The following ABCG2 variants were observed in gnomAD, a reference collection of about 807,000 sequenced individuals.
ABCG2 encodes ATP binding cassette subfamily G member 2 (JR blood group), also known as broad substrate specificity ATP-binding cassette transporter ABCG2.
Under a neutral mutation model 73.5 loss-of-function variants are expected in ABCG2, and 80 were observed. The ratio of observed to expected loss-of-function variants is 1.09; its 90% CI spans 0.91 to 1.31. ABCG2 has a LOEUF of 1.31. Among genes scored for constraint, ABCG2 ranks in the 50% most tolerant of loss-of-function variants. The pLI, the probability that ABCG2 is intolerant of heterozygous loss-of-function variation, is 0.00. For synonymous variants in ABCG2, 269 were observed against 282.4 expected, an observed-to-expected ratio of 0.95 and a Z score of 0.48; for missense variants, 796 against 786.2, an observed-to-expected ratio of 1.01 and a Z score of -0.15.
In ABCG2 at chr4:88,229,984, T is replaced by A. The variant is rs547866048; in HGVS notation, c.-20+1010A>T. On this transcript the variant is annotated intron_variant, in intron 1 of 15. Coordinates refer to the ABCG2 transcript ENST00000515655. ...AGCTATTTTTTCTGGCATGCATTAT[T>A]ATTATTATTATTATTATTATTATTA... is the stretch of plus-strand genomic sequence containing the variant. Among the ~76,000 whole-genome samples the A allele has an allele frequency of 1.6e-4, 24 of 148,664 alleles. No individual in the cohort carries two copies. In the South Asian group the frequency reaches 2.3e-3, roughly 15 times the overall value.
intron 5 of ABCG2, among the ~76,000 whole-genome samples, 158 bp downstream of exon 5, chr4:88,130,903 C>T (rs961406646): frequency 4.6e-5 from 7 of 152,148 alleles, no homozygotes; most frequent in South Asian, 4.1e-4. Flanking sequence ...TTAATTTCCA[C>T]GTTCATATTA....
intron 10 of ABCG2, among the ~76,000 whole-genome samples, chr4:88,106,546 A>C (rs1309201613): frequency 6.6e-6 from 1 of 152,184 alleles, no homozygotes; most frequent in Non-Finnish European, 1.5e-5. Flanking sequence ...CACTTATATG[A>C]GGGTCTTAGA....
intron 1 of ABCG2, among the ~76,000 whole-genome samples, chr4:88,219,488 A>C (rs1729930096): frequency 1.3e-5 from 2 of 151,986 alleles, no homozygotes; most frequent in Admixed American, 1.3e-4. Flanking sequence ...AATAAGTAGG[A>C]GGCAGACATG....
At chr4:88,214,041 G>A (rs1729708889) in intron 1 of ABCG2, among the ~76,000 whole-genome samples, 1 of 137,274 alleles carries the variant, frequency 7.3e-6, no homozygotes, top group African/African-American at 2.7e-5. Flanking sequence ...AGGTTAGAGT[G>A]CAGTGGTGCA....
intron 1 of ABCG2, chr4:88,223,851 G>T (rs1434520076): frequency 6.8e-6 from 1 of 147,090 alleles, no homozygotes; most frequent in African/African-American, 2.5e-5. Context: ...CACATGGGGA[G>T]GTCAGAACTA....
At chr4:88,100,985 G>C (rs1230868819) in intron 11 of ABCG2, among the ~76,000 whole-genome samples, 3 of 152,084 alleles carry the variant, frequency 2.0e-5, no homozygotes, top group Non-Finnish European at 4.4e-5. Context: ...AAAGGCTCAG[G>C]ATTTTCTTCC....
rs1196278000 is a variant in ABCG2, at chr4:88,211,297, T to G, written c.-20+19697A>C. On this transcript the variant is annotated intron_variant, in intron 1 of 15. Transcript: ENST00000515655. ...ATTGCATACTGGTGGGGACTGAGCT[T>G]CTAGTGTACCCAATGTCCAAATAGT... Among the ~76,000 whole-genome samples the G allele has an allele frequency of 3.3e-5, 5 of 150,518 alleles. No individual in the cohort carries two copies. The Admixed American group carries it at 3.3e-4, about 10-fold the overall frequency.
At chr4:88,211,593 A>G (rs771844815) in intron 1 of ABCG2, among the ~76,000 whole-genome samples, 6 of 151,896 alleles carry the variant, frequency 4.0e-5, no homozygotes, top group Non-Finnish European at 7.4e-5. Context: ...ATTTTTTTGT[A>G]TTTTAAGTAG....
At chr4:88,129,909 T>C (rs1044106530) in intron 5 of ABCG2, among the ~76,000 whole-genome samples, 1 of 152,134 alleles carries the variant, frequency 6.6e-6, no homozygotes, top group African/African-American at 2.4e-5. Context: ...AGTTACTTTG[T>C]CTCTCTTGCC....
At chr4:88,161,293 G>A (rs1490279786), upstream of ABCG2, among the ~76,000 whole-genome samples, 1 of 108,762 alleles carries the variant, frequency 9.2e-6, no homozygotes, top group Non-Finnish European at 1.9e-5. Context: ...CTAGCATTAG[G>A]TATATCTCCC....
At chr4:88,211,479 C>T (rs1729597754) in intron 1 of ABCG2, among the ~76,000 whole-genome samples, 1 of 151,654 alleles carries the variant, frequency 6.6e-6, no homozygotes, top group African/African-American at 2.4e-5. Context: ...TGCAATGGCG[C>T]GATCTCCGCT....
chr4:88,166,887 C>T (rs1371794375), intron 1 of ABCG2, among the ~76,000 whole-genome samples: 1 of 152,014 alleles, frequency 6.6e-6, no homozygotes, highest in Non-Finnish European at 1.5e-5. Context: ...GATCAGGTCA[C>T]TGAGTGGGAT....
At chr4:88,166,066 C>G (rs1578250071) in intron 1 of ABCG2, among the ~76,000 whole-genome samples, 3 of 152,300 alleles carry the variant, frequency 2.0e-5, no homozygotes, top group Admixed American at 2.0e-4. Flanking sequence ...GAGGGACCCA[C>G]TGGCACCCAC....
At chr4:88,150,089 T>C (rs548875105) in intron 1 of ABCG2, among the ~76,000 whole-genome samples, 2 of 151,932 alleles carry the variant, frequency 1.3e-5, no homozygotes, top group Non-Finnish European at 1.5e-5. Context: ...CCGAGGTGGG[T>C]GGATTGCTTG....
intron 1 of ABCG2, among the ~76,000 whole-genome samples, chr4:88,183,953 G>A (rs1728354358): frequency 6.6e-6 from 1 of 152,050 alleles, no homozygotes; most frequent in Non-Finnish European, 1.5e-5. Flanking sequence ...TAGAATGAAG[G>A]ACAAAGACAT....
chr4:88,201,374 G>A (rs1426168946), intron 1 of ABCG2, among the ~76,000 whole-genome samples: 2 of 152,072 alleles, frequency 1.3e-5, no homozygotes, highest in Non-Finnish European at 2.9e-5. Flanking sequence ...CTATTCTCAC[G>A]AATTTGATAA....
intron 7 of ABCG2, 120 bp from the exon 8 acceptor site, chr4:88,115,178 ACTTT>A (rs1053814713): frequency 9.2e-6 from 5 of 542,022 alleles, no homozygotes; most frequent in Admixed American, 7.1e-5. Flanking sequence ...CTTTTCCTTA[ACTTT>A]CTTTCTCTCT....
intron 11 of ABCG2, among the ~76,000 whole-genome samples, chr4:88,100,494 G>A (rs1327303440): frequency 1.3e-5 from 2 of 148,766 alleles, no homozygotes. Context: ...CAGAGCGAGC[G>A]AGACTCTATG....
chr4:88,130,600 G>T (rs546670609), intron 5 of ABCG2, among the ~76,000 whole-genome samples: 1 of 152,126 alleles, frequency 6.6e-6, no homozygotes, highest in African/African-American at 2.4e-5. Flanking sequence ...GGTGGCAAAA[G>T]TTGGGGACTG....
Sources: allele counts gnomAD v4.1 joint callset (sites outside exome capture counted in the v4.1 genomes callset), GRCh38; gene constraint gnomAD v4.1.1; transcripts MANE v1.5; gene names NCBI Gene and HGNC (gene_info 2026-07-23, HGNC 2026-07-21).